Variants in C2orf74 observed in about 807,000 individuals in gnomAD.
C2orf74 encodes the protein DPM1 ER membrane anchor 1, also known as uncharacterized protein C2orf74.
C2orf74 carries 14 observed loss-of-function variants against 17.9 expected under a neutral mutation model. The ratio of observed to expected loss-of-function variants is 0.78; its 90% confidence interval spans 0.52 to 1.22. The LOEUF (loss-of-function observed/expected upper bound fraction) is 1.22. Ranked by LOEUF, C2orf74 falls within the 50% of genes most tolerant of loss-of-function variation. The pLI, the probability that C2orf74 is intolerant of heterozygous loss-of-function variation, is 0.00. For missense variants in C2orf74, 217 were observed against 218.4 expected (o/e 0.99, Z 0.04); for synonymous variants, 79 against 72.6 (o/e 1.09, Z -0.44).
upstream of C2orf74, among the ~76,000 whole-genome samples, chr2:61,157,439 T>C (rs1004601866): frequency 2.6e-5 from 4 of 152,218 alleles, no homozygotes; most frequent in Non-Finnish European, 5.9e-5. Context: ...GGCAGTGTGA[T>C]GCTCGTTGCA....
At chr2:61,150,262 C>T (rs1038680939) in intron 1 of C2orf74, among the ~76,000 whole-genome samples, 1 of 152,100 alleles carries the variant, frequency 6.6e-6, no homozygotes, top group Non-Finnish European at 1.5e-5. Context: ...TGGAGGTGCA[C>T]CTGGCCTTAA....
chr2:61,159,593 G>T (rs1390928825), upstream of C2orf74, among the ~76,000 whole-genome samples: 2 of 152,188 alleles, frequency 1.3e-5, no homozygotes, highest in African/African-American at 2.4e-5. Context: ...GCCACACCAG[G>T]CCAAGAACTA....
chr2:61,147,575 C>T (rs1391906475), intron 1 of C2orf74, among the ~76,000 whole-genome samples: 1 of 152,120 alleles, frequency 6.6e-6, no homozygotes, highest in East Asian at 1.9e-4. Context: ...TTTCACTTTG[C>T]ATTTCTGTGA....
chr2:61,153,537 C>T (rs1253287027), intron 1 of C2orf74, among the ~76,000 whole-genome samples: 1 of 151,216 alleles, frequency 6.6e-6, no homozygotes, highest in East Asian at 2.0e-4. Context: ...CCGCCTTGGC[C>T]TCCCAAAGTG....
At chr2:61,157,266 C>G (rs952738619), upstream of C2orf74, among the ~76,000 whole-genome samples, 1 of 152,164 alleles carries the variant, frequency 6.6e-6, no homozygotes, top group African/African-American at 2.4e-5. Context: ...GTCTCGAACT[C>G]CTGGACTCAA....
At chr2:61,147,042 G>A (rs778520061) in intron 1 of C2orf74, among the ~76,000 whole-genome samples, 2 of 151,788 alleles carry the variant, frequency 1.3e-5, no homozygotes, top group Non-Finnish European at 2.9e-5. Flanking sequence ...GGTGGTGGGC[G>A]CCTGTAGGCC....
intron 1 of C2orf74, among the ~76,000 whole-genome samples, chr2:61,149,128 A>C (rs148749224): frequency 1.1e-4 from 17 of 152,342 alleles, no homozygotes; most frequent in African/African-American, 3.8e-4. Flanking sequence ...ATTGCTTCAG[A>C]TATGAAGCCT....
intron 1 of C2orf74, among the ~76,000 whole-genome samples, chr2:61,148,865 CAA>C (rs1276107312): frequency 6.6e-6 from 1 of 152,138 alleles, no homozygotes; most frequent in East Asian, 1.9e-4. Context: ...TACAGGTGCA[CAA>C]CACCACACCC....
rs890077071 is a variant in C2orf74, at chr2:61,162,945, G to A, written c.199G>A (p.Asp67Asn). ...CAAAGTGGTGACAAGCAATCCAGAG[G>A]ACCATGAAAGGCGAGTGTGGTGCAG... ...AAKVVTSNPEDHERILMQVMN... is the reference protein window; with the variant it reads ...AAKVVTSNPENHERILMQVMN... Residue 67 changes from aspartate (D) to asparagine (N), a missense_variant, in exon 3 of 5, where the codon GAC becomes AAC. Asp to Asn is a conservative substitution (Grantham distance 23). Coordinates refer to ENST00000432605, the MANE Select transcript of C2orf74 (RefSeq NM_001143959.4). 6.4e-7 allele frequency: 1 copy of A among 1,552,450 alleles called. No individual in the cohort carries two copies. Among genetic ancestry groups the A allele is most frequent in the Non-Finnish European group, 8.7e-7 (1 of 1,147,140 alleles).
At chr2:61,149,553 G>A (rs1013072795) in intron 1 of C2orf74, among the ~76,000 whole-genome samples, 5 of 117,882 alleles carry the variant, frequency 4.2e-5, no homozygotes, top group South Asian at 4.8e-4. Context: ...CAAGTTCCCC[G>A]TCTAGATGTT....
At chr2:61,163,404 G>T (rs1203235314) in intron 4 of C2orf74, among the ~76,000 whole-genome samples, 172 bp downstream of exon 4, 1 of 152,068 alleles carries the variant, frequency 6.6e-6, no homozygotes, top group Non-Finnish European at 1.5e-5. Flanking sequence ...GGCACATCGA[G>T]ACCAGCCTGG....
chr2:61,158,185 G>C (rs1056461302), upstream of C2orf74, among the ~76,000 whole-genome samples: 10 of 152,100 alleles, frequency 6.6e-5, no homozygotes, highest in African/African-American at 2.4e-4. Flanking sequence ...TTTAACCTTA[G>C]GCCCACATTA....
chr2:61,147,083 C>T (rs961549105), intron 1 of C2orf74, among the ~76,000 whole-genome samples: 1 of 151,884 alleles, frequency 6.6e-6, no homozygotes, highest in Admixed American at 6.6e-5. Flanking sequence ...GTGGGGGGAT[C>T]GGTTGAGCCC....
intron 1 of C2orf74, among the ~76,000 whole-genome samples, chr2:61,154,936 A>AGG (rs1685350349): frequency 6.6e-6 from 1 of 151,864 alleles, no homozygotes; most frequent in African/African-American, 2.4e-5. Flanking sequence ...GTGGTGGTGC[A>AGG]CGCCTGTAAT....
intron 1 of C2orf74, among the ~76,000 whole-genome samples, chr2:61,156,897 C>T (rs1387755622): frequency 6.6e-6 from 1 of 152,034 alleles, no homozygotes; most frequent in African/African-American, 2.4e-5. Context: ...ACCACAACAA[C>T]AAAAAAGATT....
chr2:61,152,931 G>A (rs1414613964), intron 1 of C2orf74, among the ~76,000 whole-genome samples: 3 of 150,324 alleles, frequency 2.0e-5, no homozygotes, highest in Non-Finnish European at 3.0e-5. Context: ...CAAGGTGGGC[G>A]GATCACCTGA....
chr2:61,163,245 T>C lies in C2orf74; in HGVS notation c.390+13T>C. 6.5e-7 allele frequency: 1 copy of C among 1,548,096 alleles called. No individual in the cohort carries two copies. Among genetic ancestry groups the C allele is most frequent in the Non-Finnish European group, 8.7e-7 (1 of 1,145,768 alleles). ...TGGTCAAGAAGAGGTGATGTGTTTTTCTACTCTCAAAGAGCAGTTTAGAAT... is the reference window on the plus strand; with the variant it reads ...TGGTCAAGAAGAGGTGATGTGTTTTCCTACTCTCAAAGAGCAGTTTAGAAT... On this transcript the variant is annotated intron_variant, in intron 4 of 4. Transcript: ENST00000432605.
upstream of C2orf74, among the ~76,000 whole-genome samples, chr2:61,160,705 G>C (rs1014282638): frequency 6.6e-6 from 1 of 150,454 alleles, no homozygotes; most frequent in Non-Finnish European, 1.5e-5. Context: ...GACCAGGCTG[G>C]TCTTGAACTC....
intron 2 of C2orf74, 86 bp downstream of exon 2, chr2:61,162,695 G>C (rs1685599392): frequency 9.2e-7 from 1 of 1,088,520 alleles, no homozygotes; most frequent in African/African-American, 1.6e-5. Context: ...ATTTAAAACA[G>C]AACAAGTAAT....
Sources: gnomAD v4.1 joint callset for allele counts (sites outside exome capture counted in the v4.1 genomes callset) on GRCh38, gnomAD v4.1.1 for gene constraint, MANE v1.5 for transcripts, NCBI Gene and HGNC (gene_info 2026-07-23, HGNC 2026-07-21) for gene names.